EME2: variants seen among roughly 807,000 people sequenced by gnomAD.
EME2 encodes structure-specific endonuclease subunit EME2.
Under a neutral mutation model 41.9 loss-of-function variants are expected in EME2, and 58 were observed. The ratio of observed to expected loss-of-function variants is 1.38; its 90% CI spans 1.12 to 1.72. The LOEUF (loss-of-function observed/expected upper bound fraction) is 1.72, where lower values mean the gene tolerates loss of function less well. Ranked by LOEUF, EME2 falls within the 40% of genes most tolerant of loss-of-function variation. The pLI, the probability that EME2 is intolerant of heterozygous loss-of-function variation, is 0.00. For missense variants in EME2, 695 were observed against 541.9 expected, an observed-to-expected ratio of 1.28 and a Z score of -2.81; for synonymous variants, 334 against 239.3, an observed-to-expected ratio of 1.40 and a Z score of -3.65.
Position 1,778,396 on chromosome 16 carries a change from C to G in EME2, c.*2158C>G, listed in dbSNP as rs533566196. On this transcript the variant is annotated 3_prime_UTR_variant, in exon 8 of 8. Coordinates refer to ENST00000568449, the MANE Select transcript of EME2 (RefSeq NM_001257370.2). The stretch of plus-strand genomic sequence containing the variant: ...TGCCCTGCCCACCCCCAGGCCCGCC[C>G]GCAGTGCAGTCCCAGCAGGGGCTGG... 10 of 1,606,472 alleles carry G rather than the reference C, an allele frequency of 6.2e-6. No individual in the cohort carries two copies. In the South Asian group the frequency reaches 1.1e-4, roughly 18 times the overall value.
At chr16:1,774,813 G>T (rs1245882626) in intron 3 of EME2, 2 of 601,946 alleles carry the variant, frequency 3.3e-6, no homozygotes, top group Non-Finnish European at 5.9e-6. Flanking sequence ...GGGGCTCAAT[G>T]GAACTGACAT....
At position 1,776,093 on chromosome 16, in the gene EME2, G is replaced by A. The variant is rs371199330; in HGVS notation, c.995G>A (p.Arg332Gln). Residue 332 changes from arginine to glutamine, a missense_variant, in exon 8 of 8, where the codon CGG becomes CAG. Transcript: ENST00000568449. ...QQALEACSTERERMGLLADLP... is the reference protein window; with the variant it reads ...QQALEACSTEQERMGLLADLP... The stretch of plus-strand genomic sequence containing the variant: ...GCGCTGGAGGCCTGCAGCACGGAGC[G>A]GGAGCGCATGGGCCTCCTGGCCGAC... 45 of 1,610,540 alleles carry A rather than the reference G, an allele frequency of 2.8e-5. No homozygotes were observed. Among genetic ancestry groups the A allele is most frequent in the African/African-American group, 1.5e-4 (11 of 74,924 alleles).
In EME2 at chr16:1,773,026, G is replaced by A. The variant is rs763672163; in HGVS notation, c.-202G>A. 1.2e-3 allele frequency: 1,789 copies of A among 1,442,020 alleles called. No individual in the cohort carries two copies. The highest frequency in any genetic ancestry group is 1.6e-3 in the Non-Finnish European group (1,727 of 1,098,732). The allele number at this position is 1,442,020 out of a possible 1,614,324, so 89.3% of individuals were successfully genotyped here. A position where few individuals can be genotyped will look rare whatever the true frequency, so the allele number is the denominator to read the frequency against. On this transcript the variant is annotated 5_prime_UTR_variant, in exon 1 of 8. Transcript: ENST00000568449. ...GTCTCGTAGTCCACCGCGTAGAGCT[G>A]GGAGTCGCGCGGCCTGTTCAGTTGC...
chr16:1,775,930 C>T lies in EME2; in HGVS notation c.913C>T (p.Pro305Ser), dbSNP rs1025604407. ...RQIRQFSRVS[P>S]AVADAVVTAF... The stretch of plus-strand genomic sequence containing the variant: ...GATCAGGCAGTTCAGTCGGGTCAGC[C>T]CAGCCGTGGCTGATGCAGTTGTCAC... The change falls in exon 7 of 8, where the codon CCA becomes TCA. Residue 305 changes from proline (P) to serine (S), a missense_variant. By Grantham distance (74) the Pro-to-Ser change is moderately conservative (BLOSUM62 -1). Transcript: ENST00000568449. 11 of 1,611,854 alleles carry T rather than the reference C, an allele frequency of 6.8e-6. No homozygotes were observed. The African/African-American group carries it at 1.3e-4, about 20-fold the overall frequency.
rs149477898 is a variant in EME2 at position 1,777,179 on chromosome 16, G to C, written c.*941G>C. On this transcript the variant is annotated 3_prime_UTR_variant, in exon 8 of 8. Transcript: ENST00000568449. ...GGCGGAGGTCGCTGCCTGGGGATCG[G>C]ACACTGGAGCCTTGCGGCGGCTGCA... is the stretch of plus-strand genomic sequence containing the variant. 165 of 1,610,806 alleles carry C rather than the reference G, an allele frequency of 1.0e-4. No individual in the cohort carries two copies. Among genetic ancestry groups the C allele is most frequent in the Non-Finnish European group, 1.3e-4 (153 of 1,179,878 alleles).
chr16:1,776,516 A>AACACAC lies in EME2; in HGVS notation c.*287_*292dup. On this transcript the variant is annotated 3_prime_UTR_variant, in exon 8 of 8. Transcript: ENST00000568449. Reference sequence around the variant, plus strand: ...CTCAGCAGCAGGGCTGTGCCCCCCCAACACACACACACACTCGGCAGGGAC... The same window carrying AACACAC: ...CTCAGCAGCAGGGCTGTGCCCCCCCAACACACACACACACACACACTCGGCAGGGAC... The AACACAC allele has an allele frequency of 2.3e-6, 1 of 431,610 alleles. No individual in the cohort carries two copies. The highest frequency in any genetic ancestry group is 4.2e-6 in the Non-Finnish European group (1 of 240,912). The allele number at this position is 431,610 out of a possible 1,614,324, so 26.7% of individuals were successfully genotyped here.
Position 1,781,058 on chromosome 16 carries a change from G to A in EME2, c.*4820G>A. On this transcript the variant is annotated 3_prime_UTR_variant, in exon 8 of 8. Transcript: ENST00000568449. ...CCGTAGTGGAGAATTTCTGTTGAAT[G>A]AACCAAAAGCAACTGCCAACCTCTC... 1.1e-6 allele frequency: 1 copy of A among 941,156 alleles called. No homozygotes were observed. The highest frequency in any genetic ancestry group is 3.8e-5 in the East Asian group (1 of 26,160). 58.3% of individuals were successfully genotyped at this position (941,156 alleles called of 1,614,324 possible).
rs372923228 is a variant in EME2 at position 1,781,333 on chromosome 16, G to A, written c.*5095G>A. 755 of 1,612,830 alleles carry A rather than the reference G, an allele frequency of 4.7e-4. 5 individuals carry two copies. Among genetic ancestry groups the A allele is most frequent in the Non-Finnish European group, 2.2e-4 (262 of 1,179,978 alleles). ...CATCTCCACACCTTAGGCCAGCCACGTCCGCCTCGCCCGCTGGAACCTACC... is the reference window on the plus strand; with the variant it reads ...CATCTCCACACCTTAGGCCAGCCACATCCGCCTCGCCCGCTGGAACCTACC... On this transcript the variant is annotated 3_prime_UTR_variant, in exon 8 of 8. Transcript: ENST00000568449.
chr16:1,777,053 A>C lies in EME2; in HGVS notation c.*815A>C. Reference sequence around the variant, plus strand: ...GACAGAGAAAGAAGGGACAGAGGAAAGGGGCTGTCCCAGCCCAAGAAGGCA... The same window carrying C: ...GACAGAGAAAGAAGGGACAGAGGAACGGGGCTGTCCCAGCCCAAGAAGGCA... On this transcript the variant is annotated 3_prime_UTR_variant, in exon 8 of 8. Transcript: ENST00000568449. 1 of 1,570,440 alleles carries C rather than the reference A, an allele frequency of 6.4e-7. No individual in the cohort carries two copies. The highest frequency in any genetic ancestry group is 2.2e-5 in the East Asian group (1 of 44,540).
In EME2 at chr16:1,773,650, G is replaced by A. The variant is rs186546615; in HGVS notation, c.248-55G>A. 1,555 of 1,545,896 alleles carry A rather than the reference G, an allele frequency of 1.0e-3. 13 individuals are homozygous for A. The African/African-American group carries it at 0.019, about 19-fold the overall frequency. ...CCGGTCCGGCCACCCGCCCAGGTAG[G>A]GCGCTCGCGAGGGTGGAAGGAAGCA... On this transcript the variant is annotated intron_variant, in intron 1 of 7. Transcript: ENST00000568449.
chr16:1,778,473 T>C lies in EME2; in HGVS notation c.*2235T>C. The C allele has an allele frequency of 6.2e-7, 1 of 1,611,420 alleles. No homozygotes were observed. The highest frequency in any genetic ancestry group is 8.5e-7 in the Non-Finnish European group (1 of 1,179,308). On this transcript the variant is annotated 3_prime_UTR_variant, in exon 8 of 8. Coordinates refer to ENST00000568449, the MANE Select transcript of EME2 (RefSeq NM_001257370.2). ...TCCGCAGCGGCAGTCCCTGCCCCGG[T>C]GGGCCGAGTGCAGGCTGCTACAGAA...
chr16:1,774,466 G>C, intron 3 of EME2, 114 bp downstream of exon 3: 1 of 839,956 alleles, frequency 1.2e-6, no homozygotes, highest in Non-Finnish European at 1.9e-6. Context: ...GGGGCATGGG[G>C]CAGGCCAGGA....
At chr16:1,773,496 A>G in intron 1 of EME2, 22 bp downstream of exon 1, 1 of 1,576,738 alleles carries the variant, frequency 6.3e-7, no homozygotes, top group Non-Finnish European at 8.5e-7. Flanking sequence ...GGCACGGGCG[A>G]TACTCGGGGT....
Position 1,778,868 on chromosome 16 carries a change from A to G in EME2, c.*2630A>G, listed in dbSNP as rs1179818171. 2.7e-5 allele frequency: 11 copies of G among 406,834 alleles called. No homozygotes were observed. Among genetic ancestry groups the G allele is most frequent in the East Asian group, 2.7e-4 (7 of 26,016 alleles). The allele number at this position is 406,834 out of a possible 1,614,324, so 25.2% of individuals were successfully genotyped here. ...AGTAGCCAAGGCTGCCTGGCCTCCA[A>G]GTGGTTTCTAGACGGTGGATAAGCC... On this transcript the variant is annotated 3_prime_UTR_variant, in exon 8 of 8. Coordinates refer to ENST00000568449, the MANE Select transcript of EME2 (RefSeq NM_001257370.2).
Position 1,773,993 on chromosome 16 carries a change from C to T in EME2, c.384+152C>T, listed in dbSNP as rs1049639012. 6.5e-5 allele frequency: 72 copies of T among 1,114,028 alleles called. No homozygotes were observed. The African/African-American group carries it at 8.9e-4, about 14-fold the overall frequency. 69.0% of individuals were successfully genotyped at this position (1,114,028 alleles called of 1,614,324 possible). A position where few individuals can be genotyped will look rare whatever the true frequency, so the allele number is the denominator to read the frequency against. On this transcript the variant is annotated intron_variant, in intron 2 of 7. Coordinates refer to ENST00000568449, the MANE Select transcript of EME2 (RefSeq NM_001257370.2). ...GGATGGAGAACGGGAAGTGGAGGTG[C>T]CCAAGCCGTTCTGCTGGTATAGAGC...
chr16:1,775,428 G>A lies in EME2; in HGVS notation c.663+20G>A. ...GAAGAGGTGAGGGCCTGTCTGAGCT[G>A]GGTGAGTCAGGTGGCCTGGGTCCCA... On this transcript the variant is annotated intron_variant, in intron 5 of 7. Transcript: ENST00000568449. 6.2e-7 allele frequency: 1 copy of A among 1,610,860 alleles called. No homozygotes were observed. Among genetic ancestry groups the A allele is most frequent in the South Asian group, 1.1e-5 (1 of 90,886 alleles).
Position 1,775,657 on chromosome 16 carries a change from C to A in EME2, c.752C>A (p.Thr251Asn). ...CTGAGTCGGCACGTGTGCGCCGTTA[C>A]CAAGGCTCTCGCCCAGTATCCCCTC... is the stretch of plus-strand genomic sequence containing the variant. ...QELSRHVCAVTKALAQYPLKQ... is the reference protein window; with the variant it reads ...QELSRHVCAVNKALAQYPLKQ... The change falls in exon 6 of 8, where the codon ACC (threonine) becomes AAC (asparagine). Residue 251 changes from threonine (T) to asparagine (N), a missense_variant. Coordinates refer to ENST00000568449, the MANE Select transcript of EME2 (RefSeq NM_001257370.2). The A allele has an allele frequency of 6.2e-7, 1 of 1,612,942 alleles. No homozygotes were observed. Among genetic ancestry groups the A allele is most frequent in the East Asian group, 2.2e-5 (1 of 44,888 alleles).
chr16:1,775,688 C>CAT lies in EME2; in HGVS notation c.779+4_779+5insAT. ...CTCTCGCCCAGTATCCCCTCAAGTG[C>CAT]GTGATGCCAAGGCTGAAGGGGGGCA... On this transcript the variant is annotated splice_donor_region_variant and intron_variant, in intron 6 of 7. Coordinates refer to ENST00000568449, the MANE Select transcript of EME2 (RefSeq NM_001257370.2). 1 of 1,612,910 alleles carries CAT rather than the reference C, an allele frequency of 6.2e-7. No homozygotes were observed. The highest frequency in any genetic ancestry group is 1.1e-5 in the South Asian group (1 of 91,086).
At chr16:1,773,946 G>C in intron 2 of EME2, 105 bp downstream of exon 2, 3 of 1,379,800 alleles carry the variant, frequency 2.2e-6, no homozygotes. Flanking sequence ...GGCCGTGCGC[G>C]TCTCGCGGAT....
Sources: gnomAD v4.1 joint callset for allele counts on GRCh38, gnomAD v4.1.1 for gene constraint, MANE v1.5 for transcripts, NCBI Gene and HGNC (gene_info 2026-07-23, HGNC 2026-07-21) for gene names.